The following BMERB1 variants were observed in gnomAD, a reference collection of about 807,000 sequenced individuals.
The protein encoded by BMERB1 is bMERB domain containing 1.
Under a neutral mutation model 23.6 loss-of-function variants are expected in BMERB1, and 12 were observed. The ratio of observed to expected loss-of-function variants is 0.51; its 90% CI spans 0.33 to 0.82. The LOEUF (loss-of-function observed/expected upper bound fraction) is 0.82. Among genes scored for constraint, BMERB1 ranks in the 40% least tolerant of loss-of-function variants. The pLI, the probability that BMERB1 is intolerant of heterozygous loss-of-function variation, is 0.03. For missense variants in BMERB1, 247 were observed against 255.4 expected (o/e 0.97, Z 0.22); for synonymous variants, 122 against 96.6 (o/e 1.26, Z -1.54).
chr16:15,543,586 C>T (rs988285725), intron 2 of BMERB1, among the ~76,000 whole-genome samples: 15 of 151,964 alleles, frequency 9.9e-5, no homozygotes, highest in African/African-American at 3.1e-4. Flanking sequence ...TTTGGGAGGT[C>T]GAAGCAGGAG....
chr16:15,513,180 A>C (rs1391825263), intron 1 of BMERB1, among the ~76,000 whole-genome samples: 3 of 152,198 alleles, frequency 2.0e-5, no homozygotes, highest in African/African-American at 4.8e-5. Context: ...CATAGCCCGA[A>C]GGAACCCTGT....
At chr16:15,457,509 A>C (rs944415339) in intron 1 of BMERB1, among the ~76,000 whole-genome samples, 1 of 152,136 alleles carries the variant, frequency 6.6e-6, no homozygotes, top group Non-Finnish European at 1.5e-5. Flanking sequence ...TCAGGAGCTC[A>C]CCATTGCCTT....
chr16:15,509,234 G>GGT (rs2051628739), intron 1 of BMERB1, among the ~76,000 whole-genome samples: 1 of 150,996 alleles, frequency 6.6e-6, no homozygotes. Flanking sequence ...CATATCGTGG[G>GGT]GTGGTTAACT....
In BMERB1 at chr16:15,583,176, A is replaced by C; in HGVS notation, c.440A>C (p.Glu147Ala). The C allele has an allele frequency of 2.5e-6, 4 of 1,613,750 alleles. No individual in the cohort carries two copies. The highest frequency in any genetic ancestry group is 3.4e-6 in the Non-Finnish European group (4 of 1,179,622). Residue 147 changes from glutamate (E) to alanine (A), a missense_variant, in exon 5 of 6, where the codon GAA becomes GCA. Transcript: ENST00000300006. ...CACAGGGAGCAAGAAGAAGACAAGG[A>C]AATGGCTGATTTCCTGAGAATCAAG... The part of the protein sequence containing the change: ...ERLREQEEDK[E>A]MADFLRIKLK...
At chr16:15,568,530 C>T (rs776775677) in intron 3 of BMERB1, among the ~76,000 whole-genome samples, 4 of 151,934 alleles carry the variant, frequency 2.6e-5, no homozygotes, top group Non-Finnish European at 5.9e-5. Context: ...CCCAGGTAAC[C>T]GGCAGGCTGA....
At chr16:15,565,121 C>G (rs2150971055) in intron 2 of BMERB1, among the ~76,000 whole-genome samples, 1 of 151,852 alleles carries the variant, frequency 6.6e-6, no homozygotes, top group East Asian at 1.9e-4. Context: ...AAGATAGGGC[C>G]CCATGCTGGT....
intron 2 of BMERB1, among the ~76,000 whole-genome samples, chr16:15,553,029 A>T (rs776262834): frequency 2.0e-5 from 3 of 151,982 alleles, no homozygotes; most frequent in Non-Finnish European, 4.4e-5. Flanking sequence ...TTTTTTTGAG[A>T]TGGAGTCTCA....
At chr16:15,542,223 C>T (rs2052092822) in intron 2 of BMERB1, among the ~76,000 whole-genome samples, 1 of 151,874 alleles carries the variant, frequency 6.6e-6, no homozygotes, top group African/African-American at 2.4e-5. Context: ...GCCATCACAC[C>T]CAGCTAATTT....
chr16:15,463,875 T>TAAAA (rs35187562), intron 1 of BMERB1, among the ~76,000 whole-genome samples: 1 of 143,128 alleles, frequency 7.0e-6, no homozygotes. Context: ...GTGTATGCTT[T>TAAAA]AAAAAAAAAA....
intron 1 of BMERB1, among the ~76,000 whole-genome samples, chr16:15,489,425 A>G (rs898161773): frequency 1.3e-5 from 2 of 152,100 alleles, no homozygotes; most frequent in African/African-American, 4.8e-5. Context: ...TGTTCCTCCC[A>G]TTGGCAAAAT....
At chr16:15,482,631 A>G (rs1203603358) in intron 1 of BMERB1, among the ~76,000 whole-genome samples, 1 of 152,164 alleles carries the variant, frequency 6.6e-6, no homozygotes, top group Non-Finnish European at 1.5e-5. Context: ...TCAGTTTCAC[A>G]TCTGGAGGAG....
At chr16:15,437,957 C>CA (rs907373788) in intron 1 of BMERB1, among the ~76,000 whole-genome samples, 12 of 148,922 alleles carry the variant, frequency 8.1e-5, no homozygotes, top group South Asian at 2.1e-4. Context: ...GACTCCCTCT[C>CA]AAAAAAAAAG....
intron 2 of BMERB1, among the ~76,000 whole-genome samples, chr16:15,553,934 T>C (rs573753953): frequency 6.6e-6 from 1 of 152,194 alleles, no homozygotes; most frequent in East Asian, 1.9e-4. Context: ...GCTCTCACTC[T>C]AGAACCTAAG....
intron 1 of BMERB1, among the ~76,000 whole-genome samples, chr16:15,458,660 T>C (rs2051108182): frequency 6.8e-6 from 1 of 147,502 alleles, no homozygotes; most frequent in Non-Finnish European, 1.5e-5. Flanking sequence ...AAGACTGCAG[T>C]GAGCTGTGTT....
intron 2 of BMERB1, among the ~76,000 whole-genome samples, chr16:15,557,835 A>G (rs1050665741): frequency 2.6e-5 from 4 of 152,126 alleles, no homozygotes; most frequent in Non-Finnish European, 4.4e-5. Flanking sequence ...TCACGAGGTA[A>G]GGAGTTCAAG....
rs1176757112 is a variant in BMERB1, at chr16:15,587,181, C to T, written c.*352C>T. ...GAATGAACTGGGAGAGGGGCATGCT[C>T]CCCAGCTGTGTGTAGTCGTGACTTC... On this transcript the variant is annotated 3_prime_UTR_variant, in exon 6 of 6. Transcript: ENST00000300006. The T allele has an allele frequency of 3.6e-6, 1 of 279,358 alleles. No individual in the cohort carries two copies. The highest frequency in any genetic ancestry group is 6.9e-6 in the Non-Finnish European group (1 of 144,388). 17.3% of individuals were successfully genotyped at this position (279,358 alleles called of 1,614,324 possible).
At chr16:15,441,598 G>A (rs1350345261) in intron 1 of BMERB1, among the ~76,000 whole-genome samples, 1 of 152,008 alleles carries the variant, frequency 6.6e-6, no homozygotes, top group African/African-American at 2.4e-5. Flanking sequence ...GGCTGGTCTC[G>A]AACTCTTGAC....
At chr16:15,443,067 G>A (rs1285174204) in intron 1 of BMERB1, among the ~76,000 whole-genome samples, 1 of 152,094 alleles carries the variant, frequency 6.6e-6, no homozygotes, top group Non-Finnish European at 1.5e-5. Flanking sequence ...GAGCAACATG[G>A]TGAAACCCCA....
At chr16:15,438,789 G>T (rs954523297) in intron 1 of BMERB1, among the ~76,000 whole-genome samples, 1 of 152,128 alleles carries the variant, frequency 6.6e-6, no homozygotes, top group Non-Finnish European at 1.5e-5. Flanking sequence ...TTGCACGCAG[G>T]GGGTGTTTGA....
Sources: gnomAD v4.1 joint callset for allele counts (sites outside exome capture counted in the v4.1 genomes callset) on GRCh38, gnomAD v4.1.1 for gene constraint, MANE v1.5 for transcripts, NCBI Gene and HGNC (gene_info 2026-07-23, HGNC 2026-07-21) for gene names.